SIN3A: variants seen among roughly 807,000 people sequenced by gnomAD.
SIN3A encodes paired amphipathic helix protein Sin3a.
A neutral mutation model predicts 146.1 loss-of-function variants in SIN3A; 14 were observed. That is an observed-to-expected ratio of 0.10 (90% CI 0.06 to 0.15). The LOEUF (loss-of-function observed/expected upper bound fraction) is 0.15. Among genes scored for constraint, SIN3A ranks in the 10% least tolerant of loss-of-function variants. The probability of loss-of-function intolerance (pLI) is 1.00; values close to 1 mark genes in which losing one functional copy is unlikely to be tolerated. For missense variants in SIN3A, 1,028 were observed against 1,576.0 expected, an observed-to-expected ratio of 0.65 and a Z score of 5.89; for synonymous variants, 572 against 572.0, an observed-to-expected ratio of 1.00 and a Z score of 0.00.
chr15:75,375,902 G>A (rs777072630), intron 19 of SIN3A, 30 bp from the exon 20 acceptor site: 9 of 1,609,320 alleles, frequency 5.6e-6, no homozygotes, highest in African/African-American at 1.3e-5. Context: ...GAGGATGAGA[G>A]CTCGTCCAGA....
rs180983634 is a variant in SIN3A, at chr15:75,376,542, T to C, written c.3384-670A>G. The stretch of plus-strand genomic sequence containing the variant: ...AAAAAAGTTATCAGCTAGACAATTA[T>C]ATTGTTTCTCATAACTTGCTATTAA... On this transcript the variant is annotated intron_variant, in intron 19 of 20. Transcript: ENST00000394947. 2.2e-3 allele frequency among the ~76,000 whole-genome samples: 341 copies of C among 152,316 alleles called. 4 individuals are homozygous for C. The highest frequency in any genetic ancestry group is 1.9e-3 in the East Asian group (10 of 5,190).
At chr15:75,410,974 T>TAA (rs1471266547) in intron 6 of SIN3A, among the ~76,000 whole-genome samples, 1 of 75,120 alleles carries the variant, frequency 1.3e-5, no homozygotes, top group African/African-American at 7.2e-5. Flanking sequence ...AAACTCTGTC[T>TAA]CAAAAAAAAA....
At position 75,396,427 on chromosome 15, in the gene SIN3A, G is replaced by A. The variant is rs1064796962; in HGVS notation, c.1924C>T (p.Arg642Cys). 2.5e-6 allele frequency: 4 copies of A among 1,614,072 alleles called. No homozygotes were observed. Among genetic ancestry groups the A allele is most frequent in the Non-Finnish European group, 3.4e-6 (4 of 1,179,968 alleles). The change falls in exon 13 of 21, where the codon CGC becomes TGC. Residue 642 changes from arginine (R) to cysteine (C), a missense_variant. Coordinates refer to ENST00000394947, the MANE Select transcript of SIN3A (RefSeq NM_001145358.2). Reference protein sequence around the residue: ...VLEAIQKKLSRLSAEEQAKFR... With the variant: ...VLEAIQKKLSCLSAEEQAKFR... ...TTGGCTTGTTCTTCAGCAGACAAGCGGGAAAGCTTCTTCTGTATTGCTTCC... is the reference window on the plus strand; with the variant it reads ...TTGGCTTGTTCTTCAGCAGACAAGCAGGAAAGCTTCTTCTGTATTGCTTCC...
At chr15:75,423,866 C>A (rs531000207) in intron 2 of SIN3A, among the ~76,000 whole-genome samples, 1 of 151,842 alleles carries the variant, frequency 6.6e-6, no homozygotes, top group Non-Finnish European at 1.5e-5. Context: ...CGTGGTAACA[C>A]GCATCTGTAA....
chr15:75,442,120 C>CAAA (rs57418865), intron 1 of SIN3A, among the ~76,000 whole-genome samples: 428 of 29,284 alleles, frequency 0.015, 56 homozygotes, highest in Non-Finnish European at 0.018. Context: ...GACTCTGTCT[C>CAAA]AAAAAAAAAA....
At chr15:75,453,432 C>T (rs2074440052), upstream of SIN3A, 1 of 152,402 alleles carries the variant, frequency 6.6e-6, no homozygotes, top group South Asian at 2.1e-4. Flanking sequence ...TGACCCACGG[C>T]TACTTTTAAC....
intron 17 of SIN3A, among the ~76,000 whole-genome samples, chr15:75,382,165 T>A (rs1163802008): frequency 2.0e-5 from 3 of 152,222 alleles, no homozygotes; most frequent in Non-Finnish European, 4.4e-5. Context: ...TTCTTCATTT[T>A]ACACAGAGAC....
chr15:75,401,777 T>C (rs905001232), intron 10 of SIN3A, 75 bp downstream of exon 10: 10 of 903,960 alleles, frequency 1.1e-5, no homozygotes, highest in Admixed American at 2.0e-5. Flanking sequence ...ACTTTGCCTA[T>C]CATATACTCT....
In SIN3A at chr15:75,372,119, C is replaced by T. The variant is rs1467390931; in HGVS notation, c.3682G>A (p.Ala1228Thr). Reference sequence around the variant, plus strand: ...CCCATGAGCCACTTGCTGGTCTCTGCTGCCATTTCACGGGGCACATGCTCC... The same window carrying T: ...CCCATGAGCCACTTGCTGGTCTCTGTTGCCATTTCACGGGGCACATGCTCC... ...TKEHVPREMAAETSKWLMGEG... is the reference protein window; with the variant it reads ...TKEHVPREMATETSKWLMGEG... The change falls in exon 21 of 21, where the codon GCA becomes ACA. Residue 1228 changes from alanine (A) to threonine (T), a missense_variant. By Grantham distance (58) the Ala-to-Thr change is moderately conservative (BLOSUM62 0). This residue lies in a region of SIN3A where 488 missense variants were observed against 690.2 expected (regional missense o/e 0.71). Coordinates refer to ENST00000394947, the MANE Select transcript of SIN3A (RefSeq NM_001145358.2). The T allele has an allele frequency of 1.2e-6, 2 of 1,614,218 alleles. No individual in the cohort carries two copies. Among genetic ancestry groups the T allele is most frequent in the East Asian group, 4.5e-5 (2 of 44,888 alleles).
At chr15:75,448,511 T>G (rs974021674) in intron 1 of SIN3A, among the ~76,000 whole-genome samples, 1 of 151,602 alleles carries the variant, frequency 6.6e-6, no homozygotes, top group Non-Finnish European at 1.5e-5. Context: ...AAAAAAAGTC[T>G]AGTGCCTAAC....
chr15:75,371,820 G>C lies in SIN3A; in HGVS notation c.*159C>G. 1 of 635,262 alleles carries C rather than the reference G, an allele frequency of 1.6e-6. No individual in the cohort carries two copies. The highest frequency in any genetic ancestry group is 2.8e-6 in the Non-Finnish European group (1 of 361,108). 39.4% of individuals were successfully genotyped at this position (635,262 alleles called of 1,614,324 possible). On this transcript the variant is annotated 3_prime_UTR_variant, in exon 21 of 21. Transcript: ENST00000394947. Reference sequence around the variant, plus strand: ...ATGTTCCTAACAGGTAGCCCACTTGGTGCCAGGCTGCACCAGCCACACACA... The same window carrying C: ...ATGTTCCTAACAGGTAGCCCACTTGCTGCCAGGCTGCACCAGCCACACACA...
chr15:75,377,770 G>C (rs990995250), intron 19 of SIN3A, among the ~76,000 whole-genome samples: 11 of 152,160 alleles, frequency 7.2e-5, no homozygotes, highest in African/African-American at 2.7e-4. Flanking sequence ...AAGTACAATG[G>C]TATTCTTATA....
At chr15:75,443,273 CTA>C (rs1206312252) in intron 1 of SIN3A, among the ~76,000 whole-genome samples, 1 of 152,170 alleles carries the variant, frequency 6.6e-6, no homozygotes, top group Non-Finnish European at 1.5e-5. Flanking sequence ...AGATGAAAAA[CTA>C]TGGATTTTTA....
At chr15:75,438,666 G>T (rs565691758) in intron 1 of SIN3A, among the ~76,000 whole-genome samples, 1 of 152,206 alleles carries the variant, frequency 6.6e-6, no homozygotes, top group South Asian at 2.1e-4. Flanking sequence ...TCCAGCATGG[G>T]TGATGGAATA....
At chr15:75,401,769 T>A in intron 10 of SIN3A, 83 bp downstream of exon 10, 1 of 843,484 alleles carries the variant, frequency 1.2e-6, no homozygotes, top group South Asian at 1.5e-5. Context: ...GTAAATTAAC[T>A]TTGCCTATCA....
At chr15:75,377,518 G>C (rs925585509) in intron 19 of SIN3A, among the ~76,000 whole-genome samples, 1 of 151,888 alleles carries the variant, frequency 6.6e-6, no homozygotes, top group Non-Finnish European at 1.5e-5. Context: ...CCAGCTATTC[G>C]GGAGGGTGAG....
Position 75,381,632 on chromosome 15 carries a change from T to A in SIN3A, c.3269A>T (p.Asp1090Val), listed in dbSNP as rs377593956. The change falls in exon 18 of 21, where the codon GAT becomes GTT. Residue 1090 changes from aspartate to valine, a missense_variant. Asp to Val is a radical substitution (Grantham distance 152). Around this residue, in one of 9 missense-constraint regions of SIN3A, gnomAD observed 488 missense variants for 690.2 expected, o/e 0.71. Transcript: ENST00000394947. ...TCATACCTCTGCTTCCACAGGGTCA[T>A]CCGAATTCTCCTCTTCTGTGTCCAG... is the stretch of plus-strand genomic sequence containing the variant. Reference protein sequence around the residue: ...ELLDTEEENSDDPVEAERWSD... With the variant: ...ELLDTEEENSVDPVEAERWSD... The A allele has an allele frequency of 6.2e-7, 1 of 1,613,850 alleles. No homozygotes were observed. The highest frequency in any genetic ancestry group is 8.5e-7 in the Non-Finnish European group (1 of 1,179,868).
chr15:75,435,923 G>C (rs2074100033), intron 1 of SIN3A, among the ~76,000 whole-genome samples: 1 of 151,232 alleles, frequency 6.6e-6, no homozygotes, highest in Non-Finnish European at 1.5e-5. Flanking sequence ...CCAGGAGCTG[G>C]AGACCAGCCT....
chr15:75,420,319 C>CAAAAAA (rs560286273), intron 3 of SIN3A: 4 of 146,052 alleles, frequency 2.7e-5, no homozygotes, highest in Admixed American at 2.7e-4. Flanking sequence ...AGACAAAAAA[C>CAAAAAA]AAAAAAAAAA....
Sources: allele counts gnomAD v4.1 joint callset (sites outside exome capture counted in the v4.1 genomes callset), GRCh38; gene constraint gnomAD v4.1.1; regional missense constraint gnomAD v4.1.1; transcripts MANE v1.5; gene names NCBI Gene and HGNC (gene_info 2026-07-23, HGNC 2026-07-21).